The following CAMTA1 variants were observed in gnomAD, a reference collection of about 807,000 sequenced individuals.
The protein encoded by CAMTA1 is calmodulin binding transcription activator 1.
A neutral mutation model predicts 170.9 loss-of-function variants in CAMTA1; 27 were observed. The ratio of observed to expected loss-of-function variants is 0.16; its 90% CI spans 0.12 to 0.22. The LOEUF (loss-of-function observed/expected upper bound fraction) is 0.22. Among genes scored for constraint, CAMTA1 ranks in the 10% least tolerant of loss-of-function variants. CAMTA1 has a pLI of 1.00. For missense variants in CAMTA1, 1,619 were observed against 2,217.2 expected (o/e 0.73, Z 5.42); for synonymous variants, 833 against 891.5 (o/e 0.93, Z 1.17).
chr1:7,322,437 C>G (rs1264594044), intron 5 of CAMTA1, among the ~76,000 whole-genome samples: 3 of 152,214 alleles, frequency 2.0e-5, no homozygotes, highest in Non-Finnish European at 4.4e-5. Context: ...TAGAAGGCAG[C>G]CAGAAATGGT....
Position 7,542,138 on chromosome 1 carries a change from G to A in CAMTA1, c.510+74237G>A, listed in dbSNP as rs575867873. Among the ~76,000 whole-genome samples, 11 of 152,096 alleles carry A rather than the reference G, an allele frequency of 7.2e-5. No homozygotes were observed. In the South Asian group the frequency reaches 2.3e-3, roughly 32 times the overall value. ...AATATTTTTCTAATTAGAAAAATTA[G>A]GCGTACTCATAGTAGAACATTTATA... is the stretch of plus-strand genomic sequence containing the variant. On this transcript the variant is annotated intron_variant, in intron 6 of 22. Coordinates refer to ENST00000303635, the MANE Select transcript of CAMTA1 (RefSeq NM_015215.4).
At chr1:6,896,228 G>C (rs372229087) in intron 3 of CAMTA1, among the ~76,000 whole-genome samples, 1 of 152,182 alleles carries the variant, frequency 6.6e-6, no homozygotes, top group South Asian at 2.1e-4. Flanking sequence ...GAATCAGCCT[G>C]TGTCCCTAGA....
At chr1:7,646,432 C>G (rs1432879255) in intron 7 of CAMTA1, among the ~76,000 whole-genome samples, 30 of 105,784 alleles carry the variant, frequency 2.8e-4, no homozygotes, top group Non-Finnish European at 4.4e-4. Context: ...GTGAGTGTGA[C>G]TGGAGGCCCT....
At position 7,738,869 on chromosome 1, in the gene CAMTA1, C is replaced by T. The variant is rs1038535525; in HGVS notation, c.4182+387C>T. On this transcript the variant is annotated intron_variant, in intron 16 of 22. Transcript: ENST00000303635. This position sits in a 1 kb window ranked among gnomAD's most constrained non-coding sequence, Gnocchi z 4.9. ...CTAAAAATAGCTAGAACAGGAAGCCCGTGGATAGATTTTGAATTATCTGAG... is the reference window on the plus strand; with the variant it reads ...CTAAAAATAGCTAGAACAGGAAGCCTGTGGATAGATTTTGAATTATCTGAG... 6.6e-6 allele frequency among the ~76,000 whole-genome samples: 1 copy of T among 152,050 alleles called. No homozygotes were observed. The highest frequency in any genetic ancestry group is 6.6e-5 in the Admixed American group (1 of 15,252).
At chr1:7,444,842 C>T (rs1301996548) in intron 5 of CAMTA1, among the ~76,000 whole-genome samples, 1 of 152,216 alleles carries the variant, frequency 6.6e-6, no homozygotes, top group Non-Finnish European at 1.5e-5. Flanking sequence ...CATACAGGTT[C>T]AAAGACTTGT....
chr1:7,461,352 C>A (rs892242849), intron 5 of CAMTA1, among the ~76,000 whole-genome samples: 1 of 152,232 alleles, frequency 6.6e-6, no homozygotes, highest in Non-Finnish European at 1.5e-5. Context: ...GAACTGGACC[C>A]TAACCCATGT....
intron 6 of CAMTA1, among the ~76,000 whole-genome samples, chr1:7,498,855 A>AGT (rs1180927952): frequency 1.9e-5 from 2 of 103,182 alleles, no homozygotes; most frequent in Non-Finnish European, 4.0e-5. Context: ...TGTATGTATG[A>AGT]GTGTGTGTGT....
At chr1:6,945,113 CAG>C (rs947465138) in intron 3 of CAMTA1, among the ~76,000 whole-genome samples, 9 of 152,128 alleles carry the variant, frequency 5.9e-5, no homozygotes, top group African/African-American at 2.2e-4. Flanking sequence ...CCACCTAGAG[CAG>C]TATTTGGCAT....
At chr1:6,903,663 A>G (rs1677628620) in intron 3 of CAMTA1, among the ~76,000 whole-genome samples, 1 of 152,234 alleles carries the variant, frequency 6.6e-6, no homozygotes, top group Non-Finnish European at 1.5e-5. Context: ...CCTGGGTCCT[A>G]TAGGACCTGT....
At chr1:7,511,183 T>C (rs1185819751) in intron 6 of CAMTA1, among the ~76,000 whole-genome samples, 1 of 145,210 alleles carries the variant, frequency 6.9e-6, no homozygotes, top group African/African-American at 2.5e-5. Flanking sequence ...CCTTGCATAG[T>C]AGGTTTATCA....
intron 7 of CAMTA1, among the ~76,000 whole-genome samples, chr1:7,651,901 C>G (rs2095850692): frequency 6.6e-6 from 1 of 152,274 alleles, no homozygotes; most frequent in Admixed American, 6.5e-5. Flanking sequence ...CTTCTTCCCA[C>G]ATAGCCAGCA....
At chr1:7,617,685 G>T (rs2095568309) in intron 6 of CAMTA1, among the ~76,000 whole-genome samples, 1 of 150,462 alleles carries the variant, frequency 6.6e-6, no homozygotes, top group Non-Finnish European at 1.5e-5. Flanking sequence ...CTTTGGTCAT[G>T]CACACCCACC....
chr1:6,809,154 G>A (rs941675120), intron 1 of CAMTA1, among the ~76,000 whole-genome samples: 1 of 151,750 alleles, frequency 6.6e-6, no homozygotes, highest in African/African-American at 2.4e-5. Flanking sequence ...AGCCTCCCGA[G>A]TAGCTGGGAT....
At chr1:7,099,087 C>G (rs1642422833) in intron 4 of CAMTA1, among the ~76,000 whole-genome samples, 1 of 152,100 alleles carries the variant, frequency 6.6e-6, no homozygotes, top group South Asian at 2.1e-4. Flanking sequence ...GTCTCGCCAT[C>G]AGCCAGGCTG....
In CAMTA1 at chr1:7,681,955, AG is replaced by A. The variant is rs2096210162; in HGVS notation, c.2914+4224del. ...TCTTACAGCATCTGATTCTCCCCCA[AG>A]GCCAAGTTGAGAAGATTTAGGGTAC... is the stretch of plus-strand genomic sequence containing the variant. On this transcript the variant is annotated intron_variant, in intron 11 of 22. Transcript: ENST00000303635. This position sits in a 1 kb window ranked among gnomAD's most constrained non-coding sequence, Gnocchi z 4.6. Among the ~76,000 whole-genome samples, 1 of 152,138 alleles carries A rather than the reference AG, an allele frequency of 6.6e-6. No homozygotes were observed. The highest frequency in any genetic ancestry group is 1.5e-5 in the Non-Finnish European group (1 of 68,024).
In CAMTA1 at chr1:7,534,956, A is replaced by T. The variant is rs985025202; in HGVS notation, c.510+67055A>T. ...GAAAGTGGAGGGCAGAGGGAAGGGA[A>T]GAGGAGGGGAAGGGAGTGAAGGAGA... On this transcript the variant is annotated intron_variant, in intron 6 of 22. Transcript: ENST00000303635. This position sits in a 1 kb window ranked among gnomAD's most constrained non-coding sequence, Gnocchi z 5.6. 8.6e-5 allele frequency among the ~76,000 whole-genome samples: 13 copies of T among 150,998 alleles called. No homozygotes were observed. The highest frequency in any genetic ancestry group is 1.5e-4 in the Non-Finnish European group (10 of 67,712).
intron 19 of CAMTA1, 75 bp from the exon 20 acceptor site, chr1:7,751,124 C>A: frequency 8.5e-7 from 1 of 1,181,266 alleles, no homozygotes; most frequent in South Asian, 1.4e-5. Context: ...TCTTCCCTTC[C>A]CGGTAAGCTC....
chr1:7,042,078 TG>T (rs75380388), intron 3 of CAMTA1, among the ~76,000 whole-genome samples: 16,265 of 152,164 alleles, frequency 0.11, 1,131 homozygotes, highest in East Asian at 0.22. Flanking sequence ...TGCTTGCTTG[TG>T]CTAAGGTTTG....
chr1:6,805,137 C>T (rs1291061789), intron 1 of CAMTA1, among the ~76,000 whole-genome samples: 1 of 152,200 alleles, frequency 6.6e-6, no homozygotes, highest in Non-Finnish European at 1.5e-5. Flanking sequence ...ATATTACATT[C>T]CCACCAGCAA....
Sources: allele counts gnomAD v4.1 joint callset (sites outside exome capture counted in the v4.1 genomes callset), GRCh38; gene constraint gnomAD v4.1.1; non-coding constraint Gnocchi (gnomAD v3.1); transcripts MANE v1.5; gene names NCBI Gene and HGNC (gene_info 2026-07-23, HGNC 2026-07-21).